Variants in CTCF observed in about 807,000 individuals in gnomAD.
CTCF encodes the protein transcriptional repressor CTCF.
In CTCF, 7 loss-of-function variants were observed where a neutral mutation model predicts 72.3. That is an observed-to-expected ratio of 0.10 (90% CI 0.06 to 0.18). CTCF has a LOEUF of 0.18. Among genes scored for constraint, CTCF ranks in the 10% least tolerant of loss-of-function variants. The probability of loss-of-function intolerance (pLI) is 1.00; values close to 1 mark genes in which losing one functional copy is unlikely to be tolerated. For missense variants in CTCF, 516 were observed against 949.1 expected, an observed-to-expected ratio of 0.54 and a Z score of 6.00; for synonymous variants, 374 against 315.8, an observed-to-expected ratio of 1.18 and a Z score of -1.95.
chr16:67,631,637 G>A (rs2052366263), intron 10 of CTCF, among the ~76,000 whole-genome samples: 1 of 148,928 alleles, frequency 6.7e-6, no homozygotes, highest in Non-Finnish European at 1.5e-5. Context: ...TCTCATGAAA[G>A]CACTAAGCTG....
At chr16:67,619,708 C>T (rs2052177714) in intron 5 of CTCF, among the ~76,000 whole-genome samples, 1 of 152,132 alleles carries the variant, frequency 6.6e-6, no homozygotes, top group Non-Finnish European at 1.5e-5. Flanking sequence ...AGCTGCTCCT[C>T]ACGTAGCTGA....
rs573957549 is a variant in CTCF at position 67,586,874 on chromosome 16, A to G, written c.-10+15610A>G. On this transcript the variant is annotated intron_variant, in intron 2 of 11. Coordinates refer to ENST00000264010, the MANE Select transcript of CTCF (RefSeq NM_006565.4). The stretch of plus-strand genomic sequence containing the variant: ...AGTGGCACAATCTCAGCTCACTGCA[A>G]CCTCTGGCTCCTGGGCGCCTGCAAT... 7.8e-4 allele frequency among the ~76,000 whole-genome samples: 119 copies of G among 151,630 alleles called. 1 individual carries two copies. Among genetic ancestry groups the G allele is most frequent in the Middle Eastern group, 3.4e-3 (1 of 294 alleles).
intron 6 of CTCF, chr16:67,621,043 A>C (rs2052193362): frequency 1.0e-5 from 4 of 398,684 alleles, no homozygotes; most frequent in Non-Finnish European, 1.8e-5. Context: ...GCCTACAACA[A>C]GAAAAATTTT....
At chr16:67,626,779 A>G (rs2052292957) in intron 8 of CTCF, 64 bp downstream of exon 8, 1 of 1,210,838 alleles carries the variant, frequency 8.3e-7, no homozygotes, top group Non-Finnish European at 1.1e-6. Flanking sequence ...GAGGGCATTT[A>G]CATATCTAGT....
intron 6 of CTCF, 98 bp downstream of exon 6, chr16:67,620,915 T>C: frequency 1.0e-6 from 1 of 993,440 alleles, no homozygotes; most frequent in Non-Finnish European, 1.4e-6. Flanking sequence ...TTTATATGAA[T>C]GAAGACTGGC....
intron 9 of CTCF, 28 bp downstream of exon 9, chr16:67,628,580 T>C: frequency 6.2e-7 from 1 of 1,607,352 alleles, no homozygotes. Flanking sequence ...ACTTTGCCTG[T>C]TATGATACTG....
chr16:67,636,734 C>T lies in CTCF; in HGVS notation c.1882C>T (p.Pro628Ser), dbSNP rs1383949671. Residue 628 changes from proline to serine, a missense_variant, in exon 11 of 12, where the codon CCT (proline) becomes TCT (serine). This residue lies in a region of CTCF where 157 missense variants were observed against 172.9 expected (regional missense o/e 0.91). Transcript: ENST00000264010. ...DLDDNEDEEE[P>S]AVEIEPEPEP... is the part of the protein sequence containing the mutation. Reference sequence around the variant, plus strand: ...GGACGACAATGAGGATGAGGAGGAGCCTGCCGTAGAAATTGAACCTGAGCC... The same window carrying T: ...GGACGACAATGAGGATGAGGAGGAGTCTGCCGTAGAAATTGAACCTGAGCC... The T allele has an allele frequency of 6.2e-7, 1 of 1,609,468 alleles. No individual in the cohort carries two copies.
intron 1 of CTCF, among the ~76,000 whole-genome samples, chr16:67,569,081 C>T (rs774875109): frequency 2.6e-5 from 4 of 152,086 alleles, no homozygotes; most frequent in African/African-American, 9.7e-5. Flanking sequence ...CCTTGTGATC[C>T]GCCTGCCTTG....
intron 2 of CTCF, among the ~76,000 whole-genome samples, chr16:67,599,350 G>A (rs955916744): frequency 6.6e-6 from 1 of 152,162 alleles, no homozygotes; most frequent in African/African-American, 2.4e-5. Flanking sequence ...AGCCGAGGTC[G>A]TGCCACTGCG....
At chr16:67,589,364 T>C (rs949409869) in intron 2 of CTCF, among the ~76,000 whole-genome samples, 9 of 152,162 alleles carry the variant, frequency 5.9e-5, no homozygotes, top group Non-Finnish European at 1.3e-4. Flanking sequence ...TCCACTCAGT[T>C]ACATTAAATT....
intron 7 of CTCF, among the ~76,000 whole-genome samples, chr16:67,626,285 A>T (rs979876149): frequency 8.2e-5 from 12 of 145,510 alleles, no homozygotes; most frequent in Admixed American, 8.1e-4. Flanking sequence ...TAAAAATACA[A>T]AAATAAAAAA....
rs12919199 is a variant in CTCF at position 67,604,753 on chromosome 16, T to G, written c.-9-6071T>G. 4.7e-4 allele frequency among the ~76,000 whole-genome samples: 59 copies of G among 125,850 alleles called. 1 individual carries two copies. Among genetic ancestry groups the G allele is most frequent in the Non-Finnish European group, 2.6e-4 (15 of 58,378 alleles). 82.6% of individuals were successfully genotyped at this position (125,850 alleles called of 152,430 possible). ...GGGTTTTTTTTTTTTTTGTTTTTTG[T>G]TTTTTTTTTTTACTTTTTAATATGA... On this transcript the variant is annotated intron_variant, in intron 2 of 11. Coordinates refer to ENST00000264010, the MANE Select transcript of CTCF (RefSeq NM_006565.4).
At position 67,586,535 on chromosome 16, in the gene CTCF, C is replaced by CAA. The variant is rs1213215957; in HGVS notation, c.-10+15286_-10+15287dup. ...TGGGCGACAGAGTGAGACTCCGTCTCAAAAAAAAAAAAAAAATTTCCTGGG... is the reference window on the plus strand; with the variant it reads ...TGGGCGACAGAGTGAGACTCCGTCTCAAAAAAAAAAAAAAAAAATTTCCTGGG... On this transcript the variant is annotated intron_variant, in intron 2 of 11. Coordinates refer to ENST00000264010, the MANE Select transcript of CTCF (RefSeq NM_006565.4). 7.1e-3 allele frequency among the ~76,000 whole-genome samples: 717 copies of CAA among 100,684 alleles called. 4 individuals carry two copies. The highest frequency in any genetic ancestry group is 0.025 in the African/African-American group (695 of 27,558). 66.1% of individuals were successfully genotyped at this position (100,684 alleles called of 152,430 possible).
At chr16:67,571,837 G>A (rs923761259) in intron 2 of CTCF, among the ~76,000 whole-genome samples, 5 of 152,084 alleles carry the variant, frequency 3.3e-5, no homozygotes, top group African/African-American at 1.2e-4. Flanking sequence ...AATTTAGCCT[G>A]TAATTTTTGC....
intron 2 of CTCF, among the ~76,000 whole-genome samples, chr16:67,592,414 A>G (rs1220224741): frequency 6.6e-6 from 1 of 152,004 alleles, no homozygotes; most frequent in East Asian, 1.9e-4. Context: ...CTGTCTAAAA[A>G]AATAAATAAG....
At chr16:67,607,055 C>A (rs2051983871) in intron 2 of CTCF, among the ~76,000 whole-genome samples, 1 of 152,066 alleles carries the variant, frequency 6.6e-6, no homozygotes, top group South Asian at 2.1e-4. Context: ...CTCCCAGGTT[C>A]AAGCAATTCT....
At chr16:67,583,822 G>A (rs548528199) in intron 2 of CTCF, among the ~76,000 whole-genome samples, 8 of 152,294 alleles carry the variant, frequency 5.3e-5, no homozygotes, top group African/African-American at 1.9e-4. Flanking sequence ...GGAGAAAAGG[G>A]CATTCTGGTA....
At chr16:67,577,787 C>T (rs1028178699) in intron 2 of CTCF, among the ~76,000 whole-genome samples, 1 of 152,086 alleles carries the variant, frequency 6.6e-6, no homozygotes, top group African/African-American at 2.4e-5. Flanking sequence ...GCCACTGGAA[C>T]AGTTATAGAA....
intron 5 of CTCF, among the ~76,000 whole-genome samples, chr16:67,619,478 G>GT (rs1284747409): frequency 2.0e-5 from 3 of 152,098 alleles, no homozygotes; most frequent in African/African-American, 7.2e-5. Flanking sequence ...TGAGTACAGT[G>GT]TTTTTTTGTT....
Sources: allele counts gnomAD v4.1 joint callset (sites outside exome capture counted in the v4.1 genomes callset), GRCh38; gene constraint gnomAD v4.1.1; regional missense constraint gnomAD v4.1.1; transcripts MANE v1.5; gene names NCBI Gene and HGNC (gene_info 2026-07-23, HGNC 2026-07-21).